CAPG: variants seen among roughly 807,000 people sequenced by gnomAD.
CAPG encodes the protein macrophage-capping protein.
A neutral mutation model predicts 44.6 loss-of-function variants in CAPG; 32 were observed. The observed-to-expected ratio is 0.72, with a 90% CI of 0.54 to 0.96. The LOEUF is 0.96. Among genes scored for constraint, CAPG ranks in the 50% least tolerant of loss-of-function variants. CAPG has a pLI of 0.00. For synonymous variants in CAPG, 175 were observed against 179.6 expected (o/e 0.97, Z 0.20); for missense variants, 412 against 438.3 (o/e 0.94, Z 0.54).
At chr2:85,416,917 G>T (rs1178578319) in intron 1 of CAPG, among the ~76,000 whole-genome samples, 5 of 152,118 alleles carry the variant, frequency 3.3e-5, no homozygotes, top group Non-Finnish European at 7.3e-5. Context: ...GGAATGGCCA[G>T]GGGTCTGGGT....
chr2:85,396,691 T>C (rs1686615747), intron 8 of CAPG, among the ~76,000 whole-genome samples: 1 of 152,108 alleles, frequency 6.6e-6, no homozygotes, highest in South Asian at 2.1e-4. Context: ...CTGCTTGGCA[T>C]TGGTTCCATG....
At chr2:85,408,688 G>C (rs1687285380) in intron 1 of CAPG, 1 of 152,198 alleles carries the variant, frequency 6.6e-6, no homozygotes, top group African/African-American at 2.4e-5. Context: ...TTATGGTTTA[G>C]CTGCAGGGTG....
chr2:85,407,549 C>T (rs1428685791), intron 1 of CAPG, among the ~76,000 whole-genome samples: 1 of 151,502 alleles, frequency 6.6e-6, no homozygotes, highest in Non-Finnish European at 1.5e-5. Flanking sequence ...CCTGTCTCTA[C>T]AAAATATACA....
At chr2:85,405,289 G>T (rs1020324800) in intron 1 of CAPG, among the ~76,000 whole-genome samples, 1 of 152,098 alleles carries the variant, frequency 6.6e-6, no homozygotes, top group African/African-American at 2.4e-5. Flanking sequence ...ACTCACTGTC[G>T]CTTTCATAGG....
chr2:85,397,407 G>T (rs753619243), intron 8 of CAPG, among the ~76,000 whole-genome samples: 5 of 152,146 alleles, frequency 3.3e-5, no homozygotes, highest in Non-Finnish European at 7.3e-5. Context: ...AATTTAGGAG[G>T]TGGGAACAGC....
chr2:85,418,726 C>T (rs1687640979), upstream of CAPG: 1 of 152,308 alleles, frequency 6.6e-6, no homozygotes, highest in Non-Finnish European at 1.5e-5. Context: ...TGGGCGGGGC[C>T]TTGGGTGCTG....
At chr2:85,400,076 G>T (rs868676381) in intron 5 of CAPG, among the ~76,000 whole-genome samples, 1 of 152,144 alleles carries the variant, frequency 6.6e-6, no homozygotes, top group Non-Finnish European at 1.5e-5. Flanking sequence ...TATCTCCTAT[G>T]TTTAAACGTC....
chr2:85,406,137 A>G (rs1326838340), intron 1 of CAPG, among the ~76,000 whole-genome samples: 3 of 151,914 alleles, frequency 2.0e-5, no homozygotes, highest in African/African-American at 2.4e-5. Context: ...CCCCGTCTCT[A>G]CTAAAAGCAC....
At chr2:85,417,806 G>A (rs545086999) in intron 1 of CAPG, among the ~76,000 whole-genome samples, 1 of 152,198 alleles carries the variant, frequency 6.6e-6, no homozygotes, top group South Asian at 2.1e-4. Context: ...TTGAGGTGAG[G>A]CTCTTGAAGG....
downstream of CAPG, among the ~76,000 whole-genome samples, chr2:85,394,589 C>T (rs1292142082): frequency 2.0e-5 from 3 of 152,240 alleles, no homozygotes; most frequent in Non-Finnish European, 4.4e-5. Flanking sequence ...CTATTGGGTT[C>T]ATGGCAGTCC....
rs138886966 is a variant in CAPG at position 85,403,312 on chromosome 2, T to G, written c.-13-1154A>C. Among the ~76,000 whole-genome samples, 18 of 152,316 alleles carry G rather than the reference T, an allele frequency of 1.2e-4. No individual in the cohort carries two copies. In the East Asian group the frequency reaches 3.5e-3, roughly 29 times the overall value. ...AGCTCATTCAAGAAGACACAGATTA[T>G]CTGAACAGTGGCCATATCTATTAAA... On this transcript the variant is annotated intron_variant, in intron 1 of 9. Coordinates refer to ENST00000263867, the MANE Select transcript of CAPG (RefSeq NM_001747.4).
Position 85,407,548 on chromosome 2 carries a change from AC to A in CAPG, c.-14+2768del, listed in dbSNP as rs1192017321. 2.0e-5 allele frequency among the ~76,000 whole-genome samples: 3 copies of A among 151,476 alleles called. No homozygotes were observed. The East Asian group carries it at 5.9e-4, about 30-fold the overall frequency. On this transcript the variant is annotated intron_variant, in intron 1 of 9. Coordinates refer to ENST00000263867, the MANE Select transcript of CAPG (RefSeq NM_001747.4). ...GGCAACATGGTGAAATCCTGTCTCT[AC>A]AAAATATACAAAAATTAGCTGGGCG...
rs185918310 is a variant in CAPG, at chr2:85,417,368, C to T, written c.-14+899G>A. Among the ~76,000 whole-genome samples, 577 of 152,162 alleles carry T rather than the reference C, an allele frequency of 3.8e-3. 5 individuals carry two copies. The highest frequency in any genetic ancestry group is 0.035 in the South Asian group (168 of 4,830). On this transcript the variant is annotated intron_variant, in intron 1 of 5. Coordinates refer to the CAPG transcript ENST00000409275. ...CTTGTTCTAGGTCCCACTTAGTAAG[C>T]GGCAGAGGATAGATGGGAGCCATGT...
At chr2:85,398,818 C>T (rs756322400) in intron 6 of CAPG, 36 bp from the exon 7 acceptor site, 1 of 1,481,940 alleles carries the variant, frequency 6.7e-7, no homozygotes, top group African/African-American at 1.4e-5. Flanking sequence ...TTATAGGGAC[C>T]CCTGCCCTGG....
intron 1 of CAPG, among the ~76,000 whole-genome samples, chr2:85,407,020 T>A (rs960963321): frequency 1.3e-5 from 2 of 151,288 alleles, no homozygotes; most frequent in South Asian, 2.1e-4. Context: ...AACCTCTGCC[T>A]CCTGAGTTGA....
rs750929355 is a variant in CAPG at position 85,401,266 on chromosome 2, G to A, written c.415C>T (p.Leu139Phe). Residue 139 changes from leucine to phenylalanine, a missense_variant, in exon 5 of 10, where the codon CTC (leucine) becomes TTC (phenylalanine). By Grantham distance (22) the Leu-to-Phe change is conservative (BLOSUM62 0). Transcript: ENST00000263867. The stretch of plus-strand genomic sequence containing the variant: ...TTCTTCTTCCCCTTCACCTGGTAGA[G>A]TTTCTTGATGGCAGCTGGGGCTCCT... ...STGAPAAIKK[L>F]YQVKGKKNIR... 1.2e-6 allele frequency: 2 copies of A among 1,614,168 alleles called. No homozygotes were observed. Among genetic ancestry groups the A allele is most frequent in the South Asian group, 1.1e-5 (1 of 91,084 alleles).
rs1279859507 is a variant in CAPG, at chr2:85,395,306, C to A, written c.981+232G>T. Among the ~76,000 whole-genome samples the A allele has an allele frequency of 6.6e-6, 1 of 152,168 alleles. No individual in the cohort carries two copies. Among genetic ancestry groups the A allele is most frequent in the African/African-American group, 2.4e-5 (1 of 41,444 alleles). On this transcript the variant is annotated intron_variant, in intron 9 of 9. Transcript: ENST00000263867. This position sits in a 1 kb window ranked among gnomAD's most constrained non-coding sequence, Gnocchi z 4.3. ...GGACAACGGCCCAGAGGAGGAGTAC[C>A]CAGTTCTCTGGGCACCCAGGAGAGT... is the stretch of plus-strand genomic sequence containing the variant.
In CAPG at chr2:85,399,211, G is replaced by A. The variant is rs1453013091; in HGVS notation, c.591C>T (p.Ile197=). ...RNKARDLALA[I]RDSERQGKAQ... The stretch of plus-strand genomic sequence containing the variant: ...CCTTGCCCTGTCGCTCACTGTCCCG[G>A]ATGGCCAGGGCCAGGTCCCTCGCCT... The change falls in exon 6 of 10, where the codon ATC becomes ATT. Residue 197 remains isoleucine, a synonymous_variant. Transcript: ENST00000263867. 2 of 1,614,210 alleles carry A rather than the reference G, an allele frequency of 1.2e-6. No individual in the cohort carries two copies. Among genetic ancestry groups the A allele is most frequent in the Non-Finnish European group, 1.7e-6 (2 of 1,180,022 alleles).
downstream of CAPG, among the ~76,000 whole-genome samples, chr2:85,392,208 G>C (rs1037606335): frequency 6.6e-6 from 1 of 152,192 alleles, no homozygotes; most frequent in African/African-American, 2.4e-5. Context: ...GGCTAACACA[G>C]TGAAACCCCG....
Sources: allele counts gnomAD v4.1 joint callset (sites outside exome capture counted in the v4.1 genomes callset), GRCh38; gene constraint gnomAD v4.1.1; non-coding constraint Gnocchi (gnomAD v3.1); transcripts MANE v1.5; gene names NCBI Gene and HGNC (gene_info 2026-07-23, HGNC 2026-07-21).